CERT1: variants seen among roughly 807,000 people sequenced by gnomAD.
The protein encoded by CERT1 is ceramide transporter 1.
A neutral mutation model predicts 87.9 loss-of-function variants in CERT1; 31 were observed. The observed-to-expected ratio is 0.35, with a 90% CI of 0.27 to 0.48. The LOEUF is 0.48. Ranked by LOEUF, CERT1 falls within the 20% of genes least tolerant of loss-of-function variation. The probability of loss-of-function intolerance (pLI) is 0.99; values close to 1 mark genes in which losing one functional copy is unlikely to be tolerated. For synonymous variants in CERT1, 289 were observed against 250.9 expected, an observed-to-expected ratio of 1.15 and a Z score of -1.44; for missense variants, 487 against 758.0, an observed-to-expected ratio of 0.64 and a Z score of 4.20.
intron 3 of CERT1, among the ~76,000 whole-genome samples, chr5:75,444,640 G>A (rs757737103): frequency 2.0e-5 from 3 of 147,552 alleles, no homozygotes; most frequent in East Asian, 2.0e-4. Flanking sequence ...TCCACCTCCT[G>A]GGTTCAAGAG....
intron 14 of CERT1, among the ~76,000 whole-genome samples, chr5:75,383,863 A>AGTT (rs1761682062): frequency 6.6e-6 from 1 of 152,188 alleles, no homozygotes; most frequent in South Asian, 2.1e-4. Context: ...GTTATTGGGC[A>AGTT]GTTTTCAGAA....
intron 1 of CERT1, among the ~76,000 whole-genome samples, chr5:75,508,309 T>C (rs1239748578): frequency 6.6e-6 from 1 of 152,264 alleles, no homozygotes; most frequent in East Asian, 1.9e-4. Context: ...CTTAGAACAG[T>C]GCCTGGACAT....
intron 8 of CERT1, among the ~76,000 whole-genome samples, chr5:75,404,836 C>G (rs1762641147): frequency 6.6e-6 from 1 of 152,092 alleles, no homozygotes; most frequent in Non-Finnish European, 1.5e-5. Flanking sequence ...TGACGAAAAC[C>G]TGTCTCTATC....
At chr5:75,423,243 C>A (rs1206997687) in intron 5 of CERT1, among the ~76,000 whole-genome samples, 1 of 152,134 alleles carries the variant, frequency 6.6e-6, no homozygotes, top group African/African-American at 2.4e-5. Flanking sequence ...TTGGTATGGA[C>A]CATTAAGATA....
At chr5:75,372,575 T>C (rs1761122213) in intron 17 of CERT1, 1 of 152,174 alleles carries the variant, frequency 6.6e-6, no homozygotes, top group Admixed American at 6.6e-5. Context: ...AAAGGTAAAT[T>C]AAAAAATAGA....
intron 7 of CERT1, among the ~76,000 whole-genome samples, chr5:75,413,486 G>A (rs935859238): frequency 3.8e-4 from 58 of 152,296 alleles, no homozygotes; most frequent in African/African-American, 1.3e-3. Flanking sequence ...GCATGTGCCT[G>A]TAGTCCTGGT....
intron 8 of CERT1, among the ~76,000 whole-genome samples, chr5:75,404,826 T>C (rs909909323): frequency 2.6e-5 from 4 of 152,068 alleles, no homozygotes; most frequent in African/African-American, 9.7e-5. Context: ...CAGGCCAACA[T>C]GACGAAAACC....
chr5:75,402,754 C>T (rs1019339745), intron 9 of CERT1: 8 of 306,424 alleles, frequency 2.6e-5, no homozygotes, highest in South Asian at 2.1e-4. Context: ...AAGCCGAGAT[C>T]GCGCCACTGC....
At chr5:75,468,170 C>T (rs529752896) in intron 2 of CERT1, among the ~76,000 whole-genome samples, 1 of 152,230 alleles carries the variant, frequency 6.6e-6, no homozygotes, top group Admixed American at 6.5e-5. Flanking sequence ...AGTGATCATC[C>T]CCCTGTGGAA....
chr5:75,419,927 A>G (rs1763299706), intron 5 of CERT1, among the ~76,000 whole-genome samples: 1 of 151,800 alleles, frequency 6.6e-6, no homozygotes. Context: ...GAACAGGACT[A>G]TAAGGGTGCC....
intron 2 of CERT1, among the ~76,000 whole-genome samples, chr5:75,463,407 T>G (rs1467585120): frequency 6.6e-6 from 1 of 152,118 alleles, no homozygotes; most frequent in Non-Finnish European, 1.5e-5. Context: ...TAAGAATGCA[T>G]GCTACAGGAA....
At chr5:75,511,683 C>T (rs1482533400), upstream of CERT1, 16 of 1,532,986 alleles carry the variant, frequency 1.0e-5, no homozygotes, top group South Asian at 1.2e-5. Flanking sequence ...TTCTCCCCCA[C>T]TACTCCCCGC....
chr5:75,434,969 T>G (rs541525714), intron 3 of CERT1, among the ~76,000 whole-genome samples: 2 of 152,304 alleles, frequency 1.3e-5, no homozygotes, highest in East Asian at 3.9e-4. Context: ...AGATTACATG[T>G]CTCAGTTTCA....
At chr5:75,384,824 C>A in intron 13 of CERT1, 112 bp from the exon 14 acceptor site, 1 of 670,012 alleles carries the variant, frequency 1.5e-6, no homozygotes, top group African/African-American at 1.8e-5. Flanking sequence ...GAACAGGATC[C>A]TGCCCTATCT....
At chr5:75,409,891 G>A (rs1762860273) in intron 8 of CERT1, among the ~76,000 whole-genome samples, 1 of 151,578 alleles carries the variant, frequency 6.6e-6, no homozygotes, top group Non-Finnish European at 1.5e-5. Context: ...GGAGTGGAGT[G>A]GTGCAATCGT....
At chr5:75,498,207 G>C (rs1767165633) in intron 2 of CERT1, among the ~76,000 whole-genome samples, 1 of 152,190 alleles carries the variant, frequency 6.6e-6, no homozygotes, top group South Asian at 2.1e-4. Flanking sequence ...ATGAAGCAGA[G>C]CATAAAAGTT....
intron 11 of CERT1, among the ~76,000 whole-genome samples, chr5:75,391,129 TAA>T (rs1357080651): frequency 6.6e-6 from 1 of 152,168 alleles, no homozygotes; most frequent in Non-Finnish European, 1.5e-5. Flanking sequence ...CACATCCAGT[TAA>T]TTTTTTGTAG....
intron 2 of CERT1, among the ~76,000 whole-genome samples, chr5:75,491,878 G>T (rs1391280831): frequency 6.6e-6 from 1 of 152,150 alleles, no homozygotes; most frequent in Non-Finnish European, 1.5e-5. Flanking sequence ...ACAGTTTAAA[G>T]AGTTAAATCA....
At chr5:75,373,592 C>G (rs575688925), downstream of CERT1, 1 of 152,398 alleles carries the variant, frequency 6.6e-6, no homozygotes, top group East Asian at 1.9e-4. Context: ...TCACAGGTTA[C>G]TGACAGCCCT....
Sources: allele counts gnomAD v4.1 joint callset (sites outside exome capture counted in the v4.1 genomes callset), GRCh38; gene constraint gnomAD v4.1.1; transcripts MANE v1.5; gene names NCBI Gene and HGNC (gene_info 2026-07-23, HGNC 2026-07-21).